The following KDM4B variants were observed in gnomAD, a reference collection of about 807,000 sequenced individuals.
KDM4B encodes lysine-specific demethylase 4B.
Under a neutral mutation model 125.2 loss-of-function variants are expected in KDM4B, and 32 were observed. The ratio of observed to expected loss-of-function variants is 0.26; its 90% confidence interval spans 0.19 to 0.34. The LOEUF is 0.34. Among genes scored for constraint, KDM4B ranks in the 10% least tolerant of loss-of-function variants. KDM4B has a pLI of 1.00. For missense variants in KDM4B, 1,190 were observed against 1,577.7 expected (o/e 0.75, Z 4.16); for synonymous variants, 721 against 677.9 (o/e 1.06, Z -0.99).
intron 21 of KDM4B, among the ~76,000 whole-genome samples, chr19:5,149,694 G>A (rs897674556): frequency 1.1e-4 from 17 of 152,182 alleles, no homozygotes; most frequent in African/African-American, 3.4e-4. Context: ...GAGTCTCCGC[G>A]AGCCTGAGCT....
chr19:4,974,859 C>T (rs551369663), intron 1 of KDM4B, among the ~76,000 whole-genome samples: 1 of 151,876 alleles, frequency 6.6e-6, no homozygotes, highest in Non-Finnish European at 1.5e-5. Flanking sequence ...AAATTCTGGG[C>T]CCTTTCGCGT....
At chr19:5,056,091 G>A (rs944895737) in intron 6 of KDM4B, among the ~76,000 whole-genome samples, 8 of 152,204 alleles carry the variant, frequency 5.3e-5, no homozygotes, top group South Asian at 4.1e-4. Context: ...ACAGTGTTGA[G>A]GAGGGCTGGC....
intron 13 of KDM4B, among the ~76,000 whole-genome samples, chr19:5,133,677 G>A (rs1206440598): frequency 2.0e-5 from 3 of 152,220 alleles, no homozygotes; most frequent in Non-Finnish European, 1.5e-5. Flanking sequence ...CCTGTTGATG[G>A]GATGGGACGC....
In KDM4B at chr19:5,097,339, C is replaced by T. The variant is rs1226538363; in HGVS notation, c.919-13283C>T. ...GATCATAGCTCACTGCAGCCTTGAC[C>T]TCCTGAGATCAAGCAATCCTCCTAC... On this transcript the variant is annotated intron_variant, in intron 9 of 22. Coordinates refer to ENST00000159111, the MANE Select transcript of KDM4B (RefSeq NM_015015.3). 2.0e-5 allele frequency among the ~76,000 whole-genome samples: 3 copies of T among 152,240 alleles called. 1 individual carries two copies. The highest frequency in any genetic ancestry group is 1.9e-4 in the East Asian group (1 of 5,204).
Position 4,996,659 on chromosome 19 carries a change from A to G in KDM4B, c.-108-19598A>G, listed in dbSNP as rs1015335916. ...TCTGAATTTGTGCCCCTGCACAGTC[A>G]TTGTGGGACAGTCATTGTGTTGGGG... On this transcript the variant is annotated intron_variant, in intron 1 of 22. Coordinates refer to ENST00000159111, the MANE Select transcript of KDM4B (RefSeq NM_015015.3). Among the ~76,000 whole-genome samples, 636 of 152,014 alleles carry G rather than the reference A, an allele frequency of 4.2e-3. 7 individuals carry two copies. Among genetic ancestry groups the G allele is most frequent in the African/African-American group, 0.015 (604 of 41,448 alleles).
chr19:5,148,255 CA>C (rs2039885913), intron 21 of KDM4B, among the ~76,000 whole-genome samples: 1 of 152,206 alleles, frequency 6.6e-6, no homozygotes, highest in Non-Finnish European at 1.5e-5. Context: ...TGTGGAGACT[CA>C]TAGTGAAAGC....
intron 10 of KDM4B, chr19:5,111,660 T>A: frequency 1.4e-6 from 1 of 713,598 alleles, no homozygotes; most frequent in Non-Finnish European, 2.6e-6. Context: ...CCAAGGAACA[T>A]TCAGGGAGCC....
chr19:5,065,975 TCTCGGTG>T (rs1171881256), intron 6 of KDM4B, among the ~76,000 whole-genome samples: 1 of 152,144 alleles, frequency 6.6e-6, no homozygotes, highest in Non-Finnish European at 1.5e-5. Flanking sequence ...CACCCTCTGG[TCTCGGTG>T]CTGAAACAGG....
intron 6 of KDM4B, among the ~76,000 whole-genome samples, chr19:5,053,623 T>A (rs188362159): frequency 6.6e-6 from 1 of 152,322 alleles, no homozygotes; most frequent in East Asian, 1.9e-4. Context: ...CTGGGAGCCG[T>A]ATCCTTGTAG....
At chr19:5,139,649 T>A (rs2039707479) in intron 18 of KDM4B, among the ~76,000 whole-genome samples, 1 of 152,216 alleles carries the variant, frequency 6.6e-6, no homozygotes, top group African/African-American at 2.4e-5. Flanking sequence ...ATGGTTTGAT[T>A]TGTGTTCTCC....
rs557146224 is a variant in KDM4B at position 5,095,588 on chromosome 19, C to G, written c.918+13084C>G. On this transcript the variant is annotated intron_variant, in intron 9 of 22. Coordinates refer to ENST00000159111, the MANE Select transcript of KDM4B (RefSeq NM_015015.3). Reference sequence around the variant, plus strand: ...ACACTGAGAGCTGGGGGCCCACGAGCCTCGGTGCTGGACGCCCCCACAGTG... The same window carrying G: ...ACACTGAGAGCTGGGGGCCCACGAGGCTCGGTGCTGGACGCCCCCACAGTG... 2.1e-3 allele frequency among the ~76,000 whole-genome samples: 315 copies of G among 152,346 alleles called. 1 individual carries two copies. Among genetic ancestry groups the G allele is most frequent in the Admixed American group, 4.5e-3 (69 of 15,310 alleles).
rs1369275590 is a variant in KDM4B at position 5,110,672 on chromosome 19, C to T, written c.969C>T (p.Arg323=). 5 of 1,613,074 alleles carry T rather than the reference C, an allele frequency of 3.1e-6. No homozygotes were observed. Among genetic ancestry groups the T allele is most frequent in the Non-Finnish European group, 4.2e-6 (5 of 1,179,904 alleles). Reference sequence around the variant, plus strand: ...AGATCTCCATGGACGTGTTCGTGCGCATCCTGCAGCCCGAGCGCTACGAGC... The same window carrying T: ...AGATCTCCATGGACGTGTTCGTGCGTATCCTGCAGCCCGAGCGCTACGAGC... ...MVKISMDVFV[R]ILQPERYELW... The change falls in exon 10 of 23, where the codon CGC becomes CGT. Residue 323 remains arginine, a synonymous_variant. Coordinates refer to ENST00000159111, the MANE Select transcript of KDM4B (RefSeq NM_015015.3).
At chr19:5,020,869 G>A (rs954943143) in intron 2 of KDM4B, among the ~76,000 whole-genome samples, 12 of 152,200 alleles carry the variant, frequency 7.9e-5, no homozygotes, top group African/African-American at 2.2e-4. Context: ...CTGACTGGCC[G>A]GGTGTGGTGG....
chr19:5,009,866 G>A (rs762584034), intron 1 of KDM4B, among the ~76,000 whole-genome samples: 3 of 152,080 alleles, frequency 2.0e-5, no homozygotes, highest in Non-Finnish European at 4.4e-5. Flanking sequence ...TGAGTAGCTG[G>A]GATTACAGGT....
Position 5,041,799 on chromosome 19 carries a change from C to T in KDM4B, c.432+548C>T, listed in dbSNP as rs877288. 6.1e-3 allele frequency among the ~76,000 whole-genome samples: 930 copies of T among 152,360 alleles called. 8 individuals are homozygous for T. Among genetic ancestry groups the T allele is most frequent in the African/African-American group, 0.022 (895 of 41,578 alleles). ...CTCAGGCATAAGGTCCCCCAGGCCC[C>T]GCTGGACGCCAGAAGTGGGCCTGCG... On this transcript the variant is annotated intron_variant, in intron 5 of 22. Coordinates refer to ENST00000159111, the MANE Select transcript of KDM4B (RefSeq NM_015015.3).
In KDM4B at chr19:5,005,659, C is replaced by T. The variant is rs73540669; in HGVS notation, c.-108-10598C>T. On this transcript the variant is annotated intron_variant, in intron 1 of 22. Coordinates refer to ENST00000159111, the MANE Select transcript of KDM4B (RefSeq NM_015015.3). ...CTGTTTGTTGAAACACCTTTTCTTT[C>T]TGCATTCAGTGGTCTTGGGACCAGG... Among the ~76,000 whole-genome samples, 616 of 152,306 alleles carry T rather than the reference C, an allele frequency of 4.0e-3. 8 individuals carry two copies. The highest frequency in any genetic ancestry group is 0.014 in the African/African-American group (586 of 41,550).
intron 9 of KDM4B, among the ~76,000 whole-genome samples, chr19:5,090,380 C>A (rs1425775965): frequency 3.4e-5 from 3 of 88,128 alleles, no homozygotes; most frequent in African/African-American, 1.5e-4. Flanking sequence ...CTCTCTCCCC[C>A]CATATCTCTC....
intron 11 of KDM4B, among the ~76,000 whole-genome samples, chr19:5,130,652 CA>C (rs2039525847): frequency 6.6e-6 from 1 of 152,254 alleles, no homozygotes; most frequent in Non-Finnish European, 1.5e-5. Context: ...CACGAGAACA[CA>C]AAAAGTGCTT....
At position 5,040,000 on chromosome 19, in the gene KDM4B, C is replaced by T. The variant is rs1313918542; in HGVS notation, c.306C>T (p.Ala102=). ...CAGTGGGCGAGTACCGCCGCCTGGC[C>T]AACAGCGAGAAGTACGCGGGGCGGG... The part of the protein sequence containing the change: ...AMTVGEYRRL[A]NSEKYCTPRH... Residue 102 remains alanine, a synonymous_variant, in exon 4 of 23, where the codon GCC becomes GCT. Coordinates refer to ENST00000159111, the MANE Select transcript of KDM4B (RefSeq NM_015015.3). 1.2e-6 allele frequency: 2 copies of T among 1,610,736 alleles called. No homozygotes were observed. Among genetic ancestry groups the T allele is most frequent in the South Asian group, 1.1e-5 (1 of 91,014 alleles).
Sources: gnomAD v4.1 joint callset for allele counts (sites outside exome capture counted in the v4.1 genomes callset) on GRCh38, gnomAD v4.1.1 for gene constraint, MANE v1.5 for transcripts, NCBI Gene and HGNC (gene_info 2026-07-23, HGNC 2026-07-21) for gene names.